Variants in AEBP2 observed in about 807,000 individuals in gnomAD.
The protein encoded by AEBP2 is zinc finger protein AEBP2.
In AEBP2, 10 loss-of-function variants were observed where a neutral mutation model predicts 50.8. That is an observed-to-expected ratio of 0.20 (90% CI 0.12 to 0.33). The LOEUF (loss-of-function observed/expected upper bound fraction) is 0.33. Ranked by LOEUF, AEBP2 falls within the 10% of genes least tolerant of loss-of-function variation. The pLI is 1.00. For missense variants in AEBP2, 570 were observed against 688.0 expected (o/e 0.83, Z 1.92); for synonymous variants, 296 against 261.3 (o/e 1.13, Z -1.28).
chr12:19,415,915 G>T (rs1211851049), intron 1 of AEBP2, among the ~76,000 whole-genome samples: 1 of 152,144 alleles, frequency 6.6e-6, no homozygotes, highest in Non-Finnish European at 1.5e-5. Context: ...CTGGCCAGGT[G>T]TGGTGGCTCA....
intron 6 of AEBP2, among the ~76,000 whole-genome samples, chr12:19,514,208 C>G (rs1949285553): frequency 6.6e-6 from 1 of 151,930 alleles, no homozygotes; most frequent in South Asian, 2.1e-4. Flanking sequence ...CCATGTTGGC[C>G]AGTGTGGTCT....
Position 19,440,381 on chromosome 12 carries a change from T to C in AEBP2, c.671+11T>C. On this transcript the variant is annotated intron_variant, in intron 1 of 7. Coordinates refer to ENST00000266508, the MANE Select transcript of AEBP2 (RefSeq NM_153207.5). ...GGACTCGGAGGACAGGTCAGTGCTC[T>C]GAAGCGTTTCCCCTTCCCTTCCTCC... 6.8e-7 allele frequency: 1 copy of C among 1,474,660 alleles called. No individual in the cohort carries two copies. The allele number at this position is 1,474,660 out of a possible 1,614,324, so 91.3% of individuals were successfully genotyped here. A position where few individuals can be genotyped will look rare whatever the true frequency, so the allele number is the denominator to read the frequency against.
intron 1 of AEBP2, chr12:19,457,426 T>C: frequency 6.6e-7 from 1 of 1,504,918 alleles, no homozygotes; most frequent in Non-Finnish European, 9.0e-7. Context: ...CACAAGGAGG[T>C]ATTAATGGTG....
chr12:19,470,389 T>A (rs1358560960), intron 2 of AEBP2, among the ~76,000 whole-genome samples: 1 of 152,194 alleles, frequency 6.6e-6, no homozygotes, highest in African/African-American at 2.4e-5. Flanking sequence ...ACTCCTGGCC[T>A]GAAGTGATCC....
intron 1 of AEBP2, among the ~76,000 whole-genome samples, chr12:19,454,766 G>A (rs1313178083): frequency 1.3e-5 from 2 of 152,040 alleles, no homozygotes; most frequent in Non-Finnish European, 2.9e-5. Context: ...CAAAGATACG[G>A]CAGGTGGGTG....
chr12:19,476,974 T>C (rs1670156404), intron 3 of AEBP2, among the ~76,000 whole-genome samples: 1 of 152,176 alleles, frequency 6.6e-6, no homozygotes, highest in African/African-American at 2.4e-5. Context: ...TTGTTGGTGT[T>C]GTCGATGATT....
intron 1 of AEBP2, among the ~76,000 whole-genome samples, chr12:19,455,299 A>G (rs1190197846): frequency 1.3e-5 from 2 of 152,152 alleles, no homozygotes; most frequent in Non-Finnish European, 2.9e-5. Context: ...GGCAGAAGTC[A>G]TATTTCAATA....
At chr12:19,446,485 T>G (rs1424825915) in intron 1 of AEBP2, among the ~76,000 whole-genome samples, 1 of 152,034 alleles carries the variant, frequency 6.6e-6, no homozygotes, top group Non-Finnish European at 1.5e-5. Context: ...ATCCCAGCAC[T>G]TTTGGAGGCT....
At chr12:19,497,238 A>T (rs560865783) in intron 4 of AEBP2, among the ~76,000 whole-genome samples, 15 of 150,928 alleles carry the variant, frequency 9.9e-5, no homozygotes, top group African/African-American at 3.6e-4. Flanking sequence ...CCACATCATC[A>T]TCATTACACC....
chr12:19,495,834 A>G (rs1296376699), intron 4 of AEBP2, among the ~76,000 whole-genome samples: 2 of 152,080 alleles, frequency 1.3e-5, no homozygotes, highest in South Asian at 4.1e-4. Flanking sequence ...ATGACCCACC[A>G]TACCTGGCCT....
chr12:19,412,733 A>G (rs1262453890), intron 1 of AEBP2, among the ~76,000 whole-genome samples: 1 of 152,134 alleles, frequency 6.6e-6, no homozygotes, highest in Non-Finnish European at 1.5e-5. Context: ...ATGTTATGGA[A>G]AGGGGTCCCG....
chr12:19,515,103 T>C (rs983857269), intron 7 of AEBP2, among the ~76,000 whole-genome samples: 1 of 152,214 alleles, frequency 6.6e-6, no homozygotes, highest in Non-Finnish European at 1.5e-5. Context: ...TAACAGACTT[T>C]TGTGGACCTA....
chr12:19,509,833 T>C (rs1949208082), intron 5 of AEBP2, among the ~76,000 whole-genome samples: 1 of 138,934 alleles, frequency 7.2e-6, no homozygotes, highest in African/African-American at 2.7e-5. Flanking sequence ...TTTTTTTTTT[T>C]TTTTTTTTTT....
intron 1 of AEBP2, chr12:19,457,494 C>A: frequency 1.3e-6 from 2 of 1,500,570 alleles, no homozygotes; most frequent in Non-Finnish European, 1.8e-6. Context: ...CTTGAAGGAG[C>A]CCTTTCCCAT....
In AEBP2 at chr12:19,439,912, C is replaced by CGGA. The variant is rs1012364972; in HGVS notation, c.218_220dup (p.Gly73dup). The CGGA allele has an allele frequency of 6.7e-7, 1 of 1,488,224 alleles. No individual in the cohort carries two copies. Among genetic ancestry groups the CGGA allele is most frequent in the South Asian group, 1.3e-5 (1 of 78,952 alleles). 92.2% of individuals were successfully genotyped at this position (1,488,224 alleles called of 1,614,324 possible). A position where few individuals can be genotyped will look rare whatever the true frequency, so the allele number is the denominator to read the frequency against. ...GCGGTGGGGGCGGCGGAGGCGGCGG[C>CGGA]GGAGGAGTGGGGGGCGGCGAGGCAG... is the stretch of plus-strand genomic sequence containing the variant. On this transcript the variant is annotated inframe_insertion, in exon 1 of 8. Coordinates refer to ENST00000266508, the MANE Select transcript of AEBP2 (RefSeq NM_153207.5).
chr12:19,439,628 G>T lies in AEBP2; in HGVS notation c.-72G>T. The T allele has an allele frequency of 6.7e-7, 1 of 1,485,514 alleles. No homozygotes were observed. The highest frequency in any genetic ancestry group is 8.9e-7 in the Non-Finnish European group (1 of 1,120,952). The allele number at this position is 1,485,514 out of a possible 1,614,324, so 92.0% of individuals were successfully genotyped here. On this transcript the variant is annotated 5_prime_UTR_variant, in exon 1 of 8. Coordinates refer to ENST00000266508, the MANE Select transcript of AEBP2 (RefSeq NM_153207.5). Reference sequence around the variant, plus strand: ...CGGAGTTTTGGGCGTTTGGGAGGGGGGCGAGGGAGAGAGAGTCGAGAGAGG... The same window carrying T: ...CGGAGTTTTGGGCGTTTGGGAGGGGTGCGAGGGAGAGAGAGTCGAGAGAGG...
intron 2 of AEBP2, among the ~76,000 whole-genome samples, chr12:19,470,405 C>T (rs147107300): frequency 0.013 from 2,019 of 152,284 alleles, 157 homozygotes; most frequent in Admixed American, 0.12. Flanking sequence ...GATCCACCCA[C>T]CTCGGCCTCC....
chr12:19,417,446 A>G (rs1238111932), intron 1 of AEBP2, among the ~76,000 whole-genome samples: 1 of 151,302 alleles, frequency 6.6e-6, no homozygotes, highest in Non-Finnish European at 1.5e-5. Context: ...TCACTCTGTC[A>G]CCCAGGCTGG....
chr12:19,451,865 C>T (rs1948171250), intron 1 of AEBP2, among the ~76,000 whole-genome samples: 1 of 151,998 alleles, frequency 6.6e-6, no homozygotes, highest in African/African-American at 2.4e-5. Context: ...CTGCACCTGG[C>T]ATTAAAGTGG....
Sources: allele counts gnomAD v4.1 joint callset (sites outside exome capture counted in the v4.1 genomes callset), GRCh38; gene constraint gnomAD v4.1.1; transcripts MANE v1.5; gene names NCBI Gene and HGNC (gene_info 2026-07-23, HGNC 2026-07-21).